Variants in JHY observed in about 807,000 individuals in gnomAD.
JHY encodes jhy protein homolog.
JHY carries 69 observed loss-of-function variants against 78.0 expected under a neutral mutation model. The observed-to-expected ratio is 0.88, with a 90% CI of 0.73 to 1.08. The LOEUF (loss-of-function observed/expected upper bound fraction) is 1.08, where lower values mean the gene tolerates loss of function less well. JHY is among the 50% of genes least tolerant of loss of function. The pLI is 0.00. For synonymous variants in JHY, 368 were observed against 342.6 expected (o/e 1.07, Z -0.82); for missense variants, 944 against 927.8 (o/e 1.02, Z -0.23).
chr11:122,958,167 C>T (rs1404997947), intron 8 of JHY, among the ~76,000 whole-genome samples: 1 of 152,166 alleles, frequency 6.6e-6, no homozygotes, highest in Non-Finnish European at 1.5e-5. Context: ...CAGATGGCAT[C>T]AACCATCAGT....
At chr11:122,896,549 C>T (rs1417767984) in intron 2 of JHY, among the ~76,000 whole-genome samples, 3 of 152,070 alleles carry the variant, frequency 2.0e-5, no homozygotes, top group East Asian at 3.9e-4. Context: ...GTGCCTAAGT[C>T]GTGATTAAAA....
At chr11:122,943,815 A>G (rs1025892601) in intron 5 of JHY, among the ~76,000 whole-genome samples, 2 of 152,040 alleles carry the variant, frequency 1.3e-5, no homozygotes, top group Non-Finnish European at 1.5e-5. Flanking sequence ...ATCATCTTCA[A>G]ATTTTTCAGT....
chr11:122,896,488 C>T (rs1246738947), intron 2 of JHY, among the ~76,000 whole-genome samples: 1 of 151,852 alleles, frequency 6.6e-6, no homozygotes, highest in Non-Finnish European at 1.5e-5. Flanking sequence ...TGTGAAAGTA[C>T]TTACGTTTCT....
intron 5 of JHY, among the ~76,000 whole-genome samples, chr11:122,938,010 G>GT (rs80251391): frequency 0.38 from 58,053 of 151,322 alleles, 11,671 homozygotes; most frequent in African/African-American, 0.45. Flanking sequence ...TATATAATCT[G>GT]TTTTTTTTGT....
intron 2 of JHY, among the ~76,000 whole-genome samples, chr11:122,893,538 C>G (rs1011421354): frequency 4.6e-5 from 7 of 152,036 alleles, no homozygotes; most frequent in African/African-American, 1.7e-4. Context: ...AGTTCAAAAC[C>G]TCATAAAGTG....
intron 5 of JHY, among the ~76,000 whole-genome samples, chr11:122,937,380 C>T (rs751803221): frequency 2.6e-5 from 4 of 151,902 alleles, no homozygotes; most frequent in South Asian, 4.1e-4. Flanking sequence ...ACAACCCCAT[C>T]GGGCAATTTC....
At chr11:122,885,729 T>A (rs1486131696) in intron 1 of JHY, 32 bp from the exon 2 acceptor site, 4 of 712,098 alleles carry the variant, frequency 5.6e-6, no homozygotes, top group African/African-American at 1.8e-5. Flanking sequence ...ATTTTAGTGG[T>A]CGCAGAGTAA....
chr11:122,906,671 G>T (rs1236850796), intron 3 of JHY, among the ~76,000 whole-genome samples: 1 of 152,122 alleles, frequency 6.6e-6, no homozygotes, highest in Non-Finnish European at 1.5e-5. Flanking sequence ...TAATAAAAGG[G>T]AAAAATATTT....
chr11:122,910,471 CA>C (rs986833514), intron 3 of JHY, among the ~76,000 whole-genome samples: 25 of 132,928 alleles, frequency 1.9e-4, no homozygotes, highest in South Asian at 2.4e-4. Context: ...TTCTTGTCTC[CA>C]AAAAAAAAAA....
chr11:122,900,797 T>C (rs1024936630), intron 2 of JHY, among the ~76,000 whole-genome samples: 1 of 152,152 alleles, frequency 6.6e-6, no homozygotes, highest in African/African-American at 2.4e-5. Context: ...CTCGGGGATC[T>C]TTCTGTAGTA....
chr11:122,956,956 T>G (rs923354387), intron 7 of JHY, among the ~76,000 whole-genome samples: 2 of 152,094 alleles, frequency 1.3e-5, no homozygotes, highest in African/African-American at 4.8e-5. Context: ...CCCTGAAAAG[T>G]GCATCCACTT....
Position 122,956,495 on chromosome 11 carries a change from G to A in JHY, c.1930-1G>A. The A allele has an allele frequency of 6.2e-7, 1 of 1,612,944 alleles. No homozygotes were observed. The highest frequency in any genetic ancestry group is 8.5e-7 in the Non-Finnish European group (1 of 1,179,318). On this transcript the variant is annotated splice_acceptor_variant, in intron 6 of 8. Coordinates refer to ENST00000227349, the MANE Select transcript of JHY (RefSeq NM_024806.4). LOFTEE classifies it high-confidence loss of function. The stretch of plus-strand genomic sequence containing the variant: ...AACTGTTTCTGTGGTTGTATTTTTA[G>A]AACACCAAGCTGAAAGGTTATCAGA...
chr11:122,942,169 G>T (rs1863887504), intron 5 of JHY, among the ~76,000 whole-genome samples: 1 of 152,088 alleles, frequency 6.6e-6, no homozygotes, highest in Non-Finnish European at 1.5e-5. Flanking sequence ...ACCGCACCTG[G>T]CCAGAAATTC....
At chr11:122,908,658 C>T (rs1426759546) in intron 3 of JHY, among the ~76,000 whole-genome samples, 2 of 152,084 alleles carry the variant, frequency 1.3e-5, no homozygotes, top group Non-Finnish European at 2.9e-5. Context: ...GGGTAGGAGG[C>T]GGGAAGCTTG....
chr11:122,931,311 G>A (rs945834236), intron 4 of JHY, among the ~76,000 whole-genome samples: 3 of 152,066 alleles, frequency 2.0e-5, no homozygotes, highest in Admixed American at 6.5e-5. Flanking sequence ...AGCTTTCCAG[G>A]CAAAGAAAAG....
At chr11:122,912,916 C>T (rs544423579) in intron 3 of JHY, among the ~76,000 whole-genome samples, 18 of 152,202 alleles carry the variant, frequency 1.2e-4, no homozygotes, top group African/African-American at 3.6e-4. Flanking sequence ...GGCAGACACT[C>T]AGTGAAGAGA....
At chr11:122,924,084 G>A (rs1014127748) in intron 3 of JHY, among the ~76,000 whole-genome samples, 1 of 151,838 alleles carries the variant, frequency 6.6e-6, no homozygotes, top group Non-Finnish European at 1.5e-5. Flanking sequence ...AAAATATATT[G>A]ATATCTGGGG....
rs79886270 is a variant in JHY at position 122,960,870 on chromosome 11, G to T, written c.*1425G>T. The stretch of plus-strand genomic sequence containing the variant: ...GAATAACATTGCTATGGCTGTGGAG[G>T]TTACTTACTGGGAATGACTGCATAG... On this transcript the variant is annotated 3_prime_UTR_variant, in exon 9 of 9. Coordinates refer to ENST00000227349, the MANE Select transcript of JHY (RefSeq NM_024806.4). The T allele has an allele frequency of 4.1e-3, 2,779 of 677,236 alleles. 59 individuals are homozygous for T. Among genetic ancestry groups the T allele is most frequent in the African/African-American group, 0.04 (2,283 of 56,528 alleles). The allele number at this position is 677,236 out of a possible 1,614,324, so 42.0% of individuals were successfully genotyped here.
chr11:122,935,141 G>A lies in JHY; in HGVS notation c.1634+66G>A. 1 of 1,408,830 alleles carries A rather than the reference G, an allele frequency of 7.1e-7. No individual in the cohort carries two copies. Among genetic ancestry groups the A allele is most frequent in the Non-Finnish European group, 9.6e-7 (1 of 1,046,718 alleles). 87.3% of individuals were successfully genotyped at this position (1,408,830 alleles called of 1,614,324 possible). On this transcript the variant is annotated intron_variant, in intron 5 of 8. Transcript: ENST00000227349. The surrounding 1 kb of genome is among the most constrained non-coding windows in gnomAD (Gnocchi z 4.5). ...AGGAGAGACTGCTGCAGAAAGACGG[G>A]AGAGGAAGAAGGGGAAGGGGAATCC... is the stretch of plus-strand genomic sequence containing the variant.
Sources: gnomAD v4.1 joint callset for allele counts (sites outside exome capture counted in the v4.1 genomes callset) on GRCh38, gnomAD v4.1.1 for gene constraint, Gnocchi (gnomAD v3.1) non-coding constraint, MANE v1.5 for transcripts, NCBI Gene and HGNC (gene_info 2026-07-23, HGNC 2026-07-21) for gene names.